SULT4A1: variants seen among roughly 807,000 people sequenced by gnomAD.
SULT4A1 encodes sulfotransferase 4A1.
Under a neutral mutation model 35.2 loss-of-function variants are expected in SULT4A1, and 11 were observed. That is an observed-to-expected ratio of 0.31 (90% CI 0.20 to 0.52). SULT4A1 has a LOEUF of 0.52. Ranked by LOEUF, SULT4A1 falls within the 20% of genes least tolerant of loss-of-function variation. SULT4A1 has a pLI of 0.97. For missense variants in SULT4A1, 271 were observed against 383.7 expected, an observed-to-expected ratio of 0.71 and a Z score of 2.45; for synonymous variants, 152 against 151.8, an observed-to-expected ratio of 1.00 and a Z score of -0.01.
chr22:43,828,827 G>A, intron 6 of SULT4A1: 1 of 462,932 alleles, frequency 2.2e-6, no homozygotes, highest in South Asian at 4.9e-5. Flanking sequence ...TCAAAACACT[G>A]TTTGCTTGGA....
chr22:43,825,502 A>G lies in SULT4A1; in HGVS notation c.*499T>C, dbSNP rs1252540897. On this transcript the variant is annotated 3_prime_UTR_variant, in exon 7 of 7. Transcript: ENST00000330884. ...CAACTCATCCTCTGTTCTCACCACT[A>G]TCTCAGAACCAAGTGAGAACAGAAT... 1 of 153,362 alleles carries G rather than the reference A, an allele frequency of 6.5e-6. No homozygotes were observed. Among genetic ancestry groups the G allele is most frequent in the Non-Finnish European group, 1.5e-5 (1 of 68,962 alleles). The allele number at this position is 153,362 out of a possible 1,614,324, so 9.5% of individuals were successfully genotyped here. A position where few individuals can be genotyped will look rare whatever the true frequency, so the allele number is the denominator to read the frequency against.
At chr22:43,855,928 C>T (rs773898832) in intron 1 of SULT4A1, among the ~76,000 whole-genome samples, 10 of 152,188 alleles carry the variant, frequency 6.6e-5, no homozygotes, top group Admixed American at 2.0e-4. Flanking sequence ...GAAGAGAAGC[C>T]AGCCCATGCA....
At position 43,833,696 on chromosome 22, in the gene SULT4A1, A is replaced by T; in HGVS notation, c.547T>A (p.Trp183Arg). ...ACGTTCGAGTCCATGCGGTGCTCCC[A>T]GAACTCCTGCACGTGCTCAAACCAG... ...GSWFEHVQEF[W>R]EHRMDSNVLF... Residue 183 changes from tryptophan (W) to arginine (R), a missense_variant, in exon 5 of 7, where the codon TGG becomes AGG. Trp to Arg is a moderately radical substitution (Grantham distance 101). This residue lies in a region of SULT4A1 where 164 missense variants were observed against 254.1 expected (regional missense o/e 0.65). Coordinates refer to ENST00000330884, the MANE Select transcript of SULT4A1 (RefSeq NM_014351.4). The T allele has an allele frequency of 6.3e-7, 1 of 1,587,168 alleles. No individual in the cohort carries two copies. The highest frequency in any genetic ancestry group is 1.1e-5 in the South Asian group (1 of 87,282).
intron 1 of SULT4A1, among the ~76,000 whole-genome samples, chr22:43,848,772 C>A (rs925609954): frequency 6.6e-6 from 1 of 152,184 alleles, no homozygotes; most frequent in Non-Finnish European, 1.5e-5. Context: ...TGGGAGGGCA[C>A]CAATCTTCCT....
intron 5 of SULT4A1, among the ~76,000 whole-genome samples, chr22:43,832,649 G>A (rs1277313185): frequency 3.4e-5 from 5 of 146,798 alleles, no homozygotes; most frequent in South Asian, 2.2e-4. Context: ...CACACCACCC[G>A]CCCCAGGGCC....
intron 1 of SULT4A1, among the ~76,000 whole-genome samples, chr22:43,861,495 A>C (rs1467636112): frequency 6.6e-6 from 1 of 152,194 alleles, no homozygotes; most frequent in Non-Finnish European, 1.5e-5. Flanking sequence ...TCACCAGCTG[A>C]GTGACCTTGG....
intron 6 of SULT4A1, among the ~76,000 whole-genome samples, chr22:43,828,239 T>C (rs1283697578): frequency 3.3e-5 from 5 of 152,214 alleles, no homozygotes. Flanking sequence ...ACACACCAAG[T>C]GTCCATCAGG....
intron 4 of SULT4A1, among the ~76,000 whole-genome samples, chr22:43,838,596 C>T (rs969376029): frequency 1.3e-5 from 2 of 152,258 alleles, no homozygotes; most frequent in African/African-American, 2.4e-5. Context: ...GATGTTTTAA[C>T]TGGGGAACTT....
chr22:43,851,270 T>A (rs982187272), intron 1 of SULT4A1, among the ~76,000 whole-genome samples: 1 of 152,172 alleles, frequency 6.6e-6, no homozygotes, highest in Admixed American at 6.5e-5. Context: ...AAGCAACACG[T>A]GTCTTGACGC....
At chr22:43,856,307 AG>A (rs1353204202) in intron 1 of SULT4A1, among the ~76,000 whole-genome samples, 5 of 152,192 alleles carry the variant, frequency 3.3e-5, no homozygotes. Flanking sequence ...GGAAAAACCA[AG>A]ACTCTGCCCT....
intron 1 of SULT4A1, among the ~76,000 whole-genome samples, chr22:43,849,710 A>G (rs1460617889): frequency 3.3e-5 from 5 of 152,206 alleles, no homozygotes; most frequent in Admixed American, 3.3e-4. Context: ...TCGTTCATGC[A>G]GCCTCATTCC....
intron 6 of SULT4A1, chr22:43,827,555 TGAATC>T (rs1434459095): frequency 7.3e-7 from 1 of 1,364,734 alleles, no homozygotes; most frequent in Non-Finnish European, 9.8e-7. Flanking sequence ...TGCTGTGACA[TGAATC>T]AAATCTAAGC....
intron 6 of SULT4A1, chr22:43,826,924 G>A (rs2063290963): frequency 1.0e-6 from 1 of 985,328 alleles, no homozygotes; most frequent in African/African-American, 1.7e-5. Context: ...GCTGAGCTGT[G>A]GGATAAACTG....
In SULT4A1 at chr22:43,833,744, C is replaced by G; in HGVS notation, c.509-10G>C. On this transcript the variant is annotated splice_polypyrimidine_tract_variant and intron_variant, in intron 4 of 6. Transcript: ENST00000330884. ...CAGGAGCCGTAGCCCACTGCGGAGA[C>G]AGGGGACAGGGTGAGCCACACGGCT... is the stretch of plus-strand genomic sequence containing the variant. 6.4e-7 allele frequency: 1 copy of G among 1,560,534 alleles called. No individual in the cohort carries two copies. Among genetic ancestry groups the G allele is most frequent in the Admixed American group, 1.9e-5 (1 of 52,092 alleles).
chr22:43,829,268 C>A, intron 5 of SULT4A1, 70 bp from the exon 6 acceptor site: 2 of 1,442,962 alleles, frequency 1.4e-6, no homozygotes, highest in Non-Finnish European at 1.8e-6. Context: ...CGACCCCAGG[C>A]TGGGCACACG....
intron 2 of SULT4A1, among the ~76,000 whole-genome samples, chr22:43,840,362 C>A (rs917945038): frequency 1.3e-5 from 2 of 152,034 alleles, no homozygotes; most frequent in South Asian, 4.1e-4. Context: ...CTGTCATGCC[C>A]TGGTCTCCTG....
chr22:43,849,201 T>C (rs80627), intron 1 of SULT4A1, among the ~76,000 whole-genome samples: 128,465 of 152,150 alleles, frequency 0.84, 54,523 homozygotes, highest in East Asian at 0.99. Context: ...CTGATCAGAA[T>C]GGCCTGGAAA....
chr22:43,829,453 TTAA>T (rs2063310157), intron 5 of SULT4A1, among the ~76,000 whole-genome samples: 1 of 152,214 alleles, frequency 6.6e-6, no homozygotes, highest in Admixed American at 6.5e-5. Context: ...ACATGAGGTC[TTAA>T]TAGAGGTGTG....
intron 1 of SULT4A1, among the ~76,000 whole-genome samples, chr22:43,848,617 G>A (rs551476186): frequency 6.6e-6 from 1 of 152,344 alleles, no homozygotes; most frequent in South Asian, 2.1e-4. Flanking sequence ...AGGGCCAGGT[G>A]GGGCCAAGGC....
Sources: allele counts gnomAD v4.1 joint callset (sites outside exome capture counted in the v4.1 genomes callset), GRCh38; gene constraint gnomAD v4.1.1; regional missense constraint gnomAD v4.1.1; transcripts MANE v1.5; gene names NCBI Gene and HGNC (gene_info 2026-07-23, HGNC 2026-07-21).